CEP89: variants seen among roughly 807,000 people sequenced by gnomAD.
CEP89 encodes the protein centrosomal protein of 89 kDa.
A neutral mutation model predicts 97.6 loss-of-function variants in CEP89; 95 were observed. That is an observed-to-expected ratio of 0.97 (90% CI 0.82 to 1.15). The LOEUF (loss-of-function observed/expected upper bound fraction) is 1.15, where lower values mean the gene tolerates loss of function less well. Ranked by LOEUF, CEP89 falls within the 50% of genes most tolerant of loss-of-function variation. The pLI, the probability that CEP89 is intolerant of heterozygous loss-of-function variation, is 0.00. For missense variants in CEP89, 869 were observed against 947.7 expected (o/e 0.92, Z 1.09); for synonymous variants, 354 against 349.1 (o/e 1.01, Z -0.16).
chr19:32,901,067 A>G (rs534441287), intron 15 of CEP89, among the ~76,000 whole-genome samples, 178 bp downstream of exon 15: 5 of 151,584 alleles, frequency 3.3e-5, no homozygotes, highest in Admixed American at 2.0e-4. Context: ...TTGTATTTTT[A>G]GTAGAGACGG....
At chr19:32,951,720 ATTT>A (rs1970923016) in intron 4 of CEP89, among the ~76,000 whole-genome samples, 1 of 151,950 alleles carries the variant, frequency 6.6e-6, no homozygotes, top group African/African-American at 2.4e-5. Context: ...ACATTTTATT[ATTT>A]ATTATTTTCT....
At chr19:32,918,810 CAAAAA>C (rs1210645777) in intron 12 of CEP89, among the ~76,000 whole-genome samples, 1 of 149,190 alleles carries the variant, frequency 6.7e-6, no homozygotes, top group Admixed American at 6.6e-5. Context: ...CAAAACAAAA[CAAAAA>C]AACAAAAAAA....
At chr19:32,968,586 C>A (rs1217822270) in intron 1 of CEP89, among the ~76,000 whole-genome samples, 2 of 152,072 alleles carry the variant, frequency 1.3e-5, no homozygotes, top group African/African-American at 4.8e-5. Flanking sequence ...CAAGGGCTGG[C>A]GTCCAGCAGG....
chr19:32,879,112 A>G lies in CEP89; in HGVS notation c.*50T>C. 2.7e-6 allele frequency: 4 copies of G among 1,476,016 alleles called. No individual in the cohort carries two copies. The highest frequency in any genetic ancestry group is 3.7e-6 in the Non-Finnish European group (4 of 1,083,118). The allele number at this position is 1,476,016 out of a possible 1,614,324, so 91.4% of individuals were successfully genotyped here. ...CTGCCCTGCAGGGAAGGCCTGTGTG[A>G]GGCAGACCTTTCAGGCCAGAGGAGG... On this transcript the variant is annotated 3_prime_UTR_variant, in exon 19 of 19. Transcript: ENST00000305768.
intron 16 of CEP89, among the ~76,000 whole-genome samples, chr19:32,888,826 T>A (rs1969453710): frequency 6.6e-6 from 1 of 152,058 alleles, no homozygotes; most frequent in African/African-American, 2.4e-5. Context: ...TTATTTATTT[T>A]TGAGACAAAG....
intron 9 of CEP89, among the ~76,000 whole-genome samples, chr19:32,929,257 A>C (rs1055644454): frequency 1.3e-5 from 2 of 152,336 alleles, no homozygotes; most frequent in South Asian, 4.1e-4. Context: ...ATAGGGTAGA[A>C]TGCTATAAGT....
intron 16 of CEP89, among the ~76,000 whole-genome samples, chr19:32,899,595 T>G (rs1275093577): frequency 1.3e-5 from 2 of 152,176 alleles, no homozygotes; most frequent in African/African-American, 2.4e-5. Flanking sequence ...CTACATTTTT[T>G]AAGCTTTATA....
At chr19:32,884,209 CT>C (rs376040152) in intron 17 of CEP89, among the ~76,000 whole-genome samples, 237 of 152,182 alleles carry the variant, frequency 1.6e-3, no homozygotes, top group African/African-American at 5.3e-3. Flanking sequence ...TCATTTAGTG[CT>C]TTTGGTCTGA....
chr19:32,961,877 C>G (rs1971176282), intron 2 of CEP89, among the ~76,000 whole-genome samples: 1 of 152,018 alleles, frequency 6.6e-6, no homozygotes, highest in Non-Finnish European at 1.5e-5. Context: ...CTCCTGGGCT[C>G]AAGTAATCCT....
intron 12 of CEP89, among the ~76,000 whole-genome samples, chr19:32,919,407 G>A (rs951606162): frequency 2.0e-5 from 3 of 152,130 alleles, no homozygotes; most frequent in Non-Finnish European, 4.4e-5. Flanking sequence ...AAATAATCTC[G>A]ATTTTCCACT....
At chr19:32,964,292 C>T (rs1040920235) in intron 2 of CEP89, among the ~76,000 whole-genome samples, 1 of 152,136 alleles carries the variant, frequency 6.6e-6, no homozygotes, top group Non-Finnish European at 1.5e-5. Context: ...GTGCCTCAGC[C>T]TCCCCAGTAG....
intron 17 of CEP89, 44 bp downstream of exon 17, chr19:32,887,707 AT>A (rs1417888036): frequency 1.7e-6 from 2 of 1,204,520 alleles, no homozygotes; most frequent in East Asian, 4.6e-5. Flanking sequence ...GTGAGCCTGC[AT>A]TCCCATCTGA....
rs757161677 is a variant in CEP89 at position 32,942,849 on chromosome 19, C to CTT, written c.596-2966_596-2965dup. On this transcript the variant is annotated intron_variant, in intron 5 of 18. Transcript: ENST00000305768. ...GGTGTCATGCTGGGTCTATTCCAGT[C>CTT]TTTTTTTTTTTTTTTTTTGAGACAG... 1.2e-4 allele frequency among the ~76,000 whole-genome samples: 17 copies of CTT among 136,348 alleles called. 1 individual carries two copies. Among genetic ancestry groups the CTT allele is most frequent in the African/African-American group, 2.7e-4 (10 of 36,892 alleles). 89.4% of individuals were successfully genotyped at this position (136,348 alleles called of 152,430 possible).
rs1350379203 is a variant in CEP89 at position 32,901,310 on chromosome 19, C to G, written c.1668G>C (p.Lys556Asn). 8.1e-6 allele frequency: 13 copies of G among 1,614,178 alleles called. No homozygotes were observed. The highest frequency in any genetic ancestry group is 1.1e-5 in the South Asian group (1 of 91,082). Residue 556 changes from lysine to asparagine, a missense_variant, in exon 15 of 19, where the codon AAG becomes AAC. Physicochemically the swap from Lys to Asn is moderately conservative, Grantham distance 94. Coordinates refer to ENST00000305768, the MANE Select transcript of CEP89 (RefSeq NM_032816.5). ...CTTTGTTTTGCTCTGTCAAACTGTT[C>G]TTCTCTAACAGCAGGCTCTTCTTCT... ...QAQKKSLLLEKNSLTEQNKAL... is the reference protein window; with the variant it reads ...QAQKKSLLLENNSLTEQNKAL...
intron 8 of CEP89, among the ~76,000 whole-genome samples, chr19:32,932,108 G>C (rs934222476): frequency 2.6e-5 from 4 of 151,890 alleles, no homozygotes; most frequent in Non-Finnish European, 5.9e-5. Context: ...GTGAACCCAG[G>C]GGGTGGAGCT....
intron 16 of CEP89, among the ~76,000 whole-genome samples, chr19:32,897,788 C>G (rs1261497461): frequency 6.6e-6 from 1 of 152,188 alleles, no homozygotes; most frequent in African/African-American, 2.4e-5. Flanking sequence ...TCTCAAACTC[C>G]TGGACCCAAG....
intron 14 of CEP89, 143 bp downstream of exon 14, chr19:32,915,194 C>A: frequency 1.4e-6 from 1 of 697,572 alleles, no homozygotes; most frequent in Non-Finnish European, 2.3e-6. Flanking sequence ...CGCAGTGGCT[C>A]ATGCCTGTAA....
intron 18 of CEP89, among the ~76,000 whole-genome samples, chr19:32,880,167 C>T (rs1969251161): frequency 1.3e-5 from 2 of 152,222 alleles, no homozygotes; most frequent in African/African-American, 2.4e-5. Flanking sequence ...CCACACCTCA[C>T]AAGGTGCTTA....
In CEP89 at chr19:32,912,433, G is replaced by A. The variant is rs112690105; in HGVS notation, c.1565+2904C>T. 1.6e-4 allele frequency among the ~76,000 whole-genome samples: 24 copies of A among 152,188 alleles called. 1 individual carries two copies. The highest frequency in any genetic ancestry group is 5.5e-4 in the African/African-American group (23 of 41,542). On this transcript the variant is annotated intron_variant, in intron 14 of 18. Coordinates refer to ENST00000305768, the MANE Select transcript of CEP89 (RefSeq NM_032816.5). ...TCTAAGGCCTTAAGATCAAAAACAG[G>A]TTTCTCAATGAAGGAGTTCTGCCTC...
Sources: gnomAD v4.1 joint callset for allele counts (sites outside exome capture counted in the v4.1 genomes callset) on GRCh38, gnomAD v4.1.1 for gene constraint, MANE v1.5 for transcripts, NCBI Gene and HGNC (gene_info 2026-07-23, HGNC 2026-07-21) for gene names.